DLG2: variants seen among roughly 807,000 people sequenced by gnomAD.
DLG2 encodes the protein discs large MAGUK scaffold protein 2.
A neutral mutation model predicts 132.5 loss-of-function variants in DLG2; 45 were observed. That is an observed-to-expected ratio of 0.34 (90% CI 0.27 to 0.44). The LOEUF is 0.44. Ranked by LOEUF, DLG2 falls within the 20% of genes least tolerant of loss-of-function variation. The probability of loss-of-function intolerance (pLI) is 1.00; values close to 1 mark genes in which losing one functional copy is unlikely to be tolerated. For missense variants in DLG2, 1,045 were observed against 1,196.9 expected, an observed-to-expected ratio of 0.87 and a Z score of 1.87; for synonymous variants, 424 against 419.6, an observed-to-expected ratio of 1.01 and a Z score of -0.13.
intron 6 of DLG2, among the ~76,000 whole-genome samples, chr11:85,015,519 C>T (rs1224942125): frequency 1.3e-5 from 2 of 151,908 alleles, no homozygotes; most frequent in Non-Finnish European, 2.9e-5. Flanking sequence ...AACTACCAGT[C>T]CTTCATAACT....
At chr11:85,580,205 C>T (rs2078424430) in intron 3 of DLG2, among the ~76,000 whole-genome samples, 1 of 152,120 alleles carries the variant, frequency 6.6e-6, no homozygotes, top group East Asian at 1.9e-4. Flanking sequence ...ACTGTAAGTC[C>T]ATTAAACCCT....
intron 9 of DLG2, among the ~76,000 whole-genome samples, chr11:84,156,830 G>A (rs1368514942): frequency 6.6e-6 from 1 of 152,170 alleles, no homozygotes; most frequent in Non-Finnish European, 1.5e-5. Context: ...CAGGTAAGAA[G>A]AGACCCATTA....
chr11:83,840,413 C>T (rs7124129), intron 16 of DLG2, among the ~76,000 whole-genome samples: 29,498 of 152,056 alleles, frequency 0.19, 3,234 homozygotes, highest in African/African-American at 0.29. Flanking sequence ...ATTAATTACA[C>T]GAATGTCTTT....
At chr11:84,410,734 C>G (rs2098897249) in intron 7 of DLG2, among the ~76,000 whole-genome samples, 1 of 151,902 alleles carries the variant, frequency 6.6e-6, no homozygotes, top group Admixed American at 6.6e-5. Flanking sequence ...TGCCCACCAC[C>G]ATGCCCGGCT....
intron 6 of DLG2, among the ~76,000 whole-genome samples, chr11:84,855,433 C>A (rs1351515204): frequency 6.6e-6 from 1 of 152,054 alleles, no homozygotes; most frequent in Non-Finnish European, 1.5e-5. Context: ...AGCAGACAGG[C>A]ATGAGACAAT....
At chr11:84,514,557 T>C (rs924623638) in intron 7 of DLG2, among the ~76,000 whole-genome samples, 27 of 151,962 alleles carry the variant, frequency 1.8e-4, no homozygotes, top group Non-Finnish European at 1.0e-4. Flanking sequence ...CACAGAAAGA[T>C]AAACATCACA....
chr11:84,333,267 T>G (rs1283030331), intron 7 of DLG2, among the ~76,000 whole-genome samples: 1 of 152,252 alleles, frequency 6.6e-6, no homozygotes, highest in Non-Finnish European at 1.5e-5. Flanking sequence ...GAAATTGTGC[T>G]GTTAAACATC....
chr11:84,457,732 T>A, intron 7 of DLG2, among the ~76,000 whole-genome samples: 1 of 150,986 alleles, frequency 6.6e-6, no homozygotes, highest in East Asian at 1.9e-4. Flanking sequence ...TCACGTTTTT[T>A]CAAACGAACT....
At chr11:84,367,310 A>T (rs906790062) in intron 7 of DLG2, among the ~76,000 whole-genome samples, 1 of 152,136 alleles carries the variant, frequency 6.6e-6, no homozygotes, top group African/African-American at 2.4e-5. Flanking sequence ...TAACTACTCA[A>T]TTCTGCCACT....
intron 6 of DLG2, among the ~76,000 whole-genome samples, chr11:84,916,348 C>CAAAG (rs2092463928): frequency 3.6e-5 from 1 of 27,938 alleles, no homozygotes; most frequent in South Asian, 3.1e-3. Flanking sequence ...GACTCCGTCT[C>CAAAG]AAAAAAAAAA....
chr11:84,070,219 A>G (rs1477549598), intron 10 of DLG2, among the ~76,000 whole-genome samples: 1 of 152,212 alleles, frequency 6.6e-6, no homozygotes, highest in East Asian at 1.9e-4. Flanking sequence ...GCATCATTGT[A>G]TGACTTCTAA....
At chr11:83,779,882 C>A in intron 18 of DLG2, among the ~76,000 whole-genome samples, 1 of 152,140 alleles carries the variant, frequency 6.6e-6, no homozygotes, top group East Asian at 1.9e-4. Context: ...ACAAAACTTT[C>A]AAGTAATGAA....
At chr11:84,669,985 C>T (rs1053897425) in intron 6 of DLG2, among the ~76,000 whole-genome samples, 1 of 152,102 alleles carries the variant, frequency 6.6e-6, no homozygotes, top group African/African-American at 2.4e-5. Context: ...CTAAACAGGA[C>T]CTGTTGTAGA....
At chr11:85,207,970 T>C (rs1451393938) in intron 4 of DLG2, among the ~76,000 whole-genome samples, 4 of 152,018 alleles carry the variant, frequency 2.6e-5, no homozygotes, top group Non-Finnish European at 5.9e-5. Context: ...CCAGGCATTC[T>C]CCACCTCTTC....
chr11:84,977,693 A>G (rs1302722941), intron 6 of DLG2, among the ~76,000 whole-genome samples: 1 of 152,190 alleles, frequency 6.6e-6, no homozygotes, highest in African/African-American at 2.4e-5. Context: ...GTGTTTATAG[A>G]TCACAATCAG....
intron 4 of DLG2, among the ~76,000 whole-genome samples, chr11:85,224,077 T>A (rs1431611252): frequency 6.6e-6 from 1 of 152,192 alleles, no homozygotes; most frequent in East Asian, 1.9e-4. Context: ...CACTTAGTTT[T>A]ATTCTGATTA....
chr11:85,396,378 G>A (rs1369154118), intron 3 of DLG2, among the ~76,000 whole-genome samples: 1 of 152,082 alleles, frequency 6.6e-6, no homozygotes, highest in South Asian at 2.1e-4. Flanking sequence ...TCCTCCAAAG[G>A]ATCACAGCTT....
At chr11:84,835,351 T>C (rs1333003861) in intron 6 of DLG2, among the ~76,000 whole-genome samples, 2 of 151,724 alleles carry the variant, frequency 1.3e-5, no homozygotes, top group Non-Finnish European at 3.0e-5. Context: ...GTTTGCTTTA[T>C]GATAGATGCA....
At chr11:83,735,128 C>T (rs911970967) in intron 18 of DLG2, among the ~76,000 whole-genome samples, 5 of 151,790 alleles carry the variant, frequency 3.3e-5, no homozygotes, top group Admixed American at 6.6e-5. Context: ...TAATATTGGC[C>T]GATTAGAGAG....
Sources: gnomAD v4.1 joint callset for allele counts (sites outside exome capture counted in the v4.1 genomes callset) on GRCh38, gnomAD v4.1.1 for gene constraint, MANE v1.5 for transcripts, NCBI Gene and HGNC (gene_info 2026-07-23, HGNC 2026-07-21) for gene names.